Variants in UPF1 observed in about 807,000 individuals in gnomAD.
UPF1 encodes the protein regulator of nonsense transcripts 1.
A neutral mutation model predicts 129.2 loss-of-function variants in UPF1; 9 were observed. The observed-to-expected ratio is 0.07, with a 90% CI of 0.04 to 0.12. The LOEUF (loss-of-function observed/expected upper bound fraction) is 0.12, where lower values mean the gene tolerates loss of function less well. Ranked by LOEUF, UPF1 falls within the 10% of genes least tolerant of loss-of-function variation. The probability of loss-of-function intolerance (pLI) is 1.00; values close to 1 mark genes in which losing one functional copy is unlikely to be tolerated. For missense variants in UPF1, 788 were observed against 1,525.3 expected (o/e 0.52, Z 8.05); for synonymous variants, 649 against 644.9 (o/e 1.01, Z -0.10).
intron 5 of UPF1, 72 bp from the exon 6 acceptor site, chr19:18,852,063 G>A: frequency 4.1e-6 from 6 of 1,481,348 alleles, no homozygotes; most frequent in Non-Finnish European, 5.4e-6. Flanking sequence ...TCCCTCTGGT[G>A]CCTCTGCGCC....
intron 3 of UPF1, 85 bp from the exon 4 acceptor site, chr19:18,849,990 C>A: frequency 6.4e-7 from 1 of 1,553,838 alleles, no homozygotes; most frequent in Non-Finnish European, 8.8e-7. Context: ...TGAACGGTAC[C>A]GGAACTTTTA....
rs533467112 is a variant in UPF1 at position 18,832,165 on chromosome 19, C to T, written c.-45C>T. ...CTAGGCCTCAGCGCGGCGGCGGGCT[C>T]GAGTGCAGCGCGGAACCGGCCCGAG... On this transcript the variant is annotated 5_prime_UTR_variant, in exon 1 of 24. Transcript: ENST00000262803. The surrounding 1 kb of genome is among the most constrained non-coding windows in gnomAD (Gnocchi z 5.6). The T allele has an allele frequency of 2.8e-5, 42 of 1,485,422 alleles. No homozygotes were observed. The African/African-American group carries it at 6.2e-4, about 22-fold the overall frequency. 92.0% of individuals were successfully genotyped at this position (1,485,422 alleles called of 1,614,324 possible).
intron 11 of UPF1, 107 bp downstream of exon 11, chr19:18,855,349 C>A: frequency 7.8e-7 from 1 of 1,276,784 alleles, no homozygotes; most frequent in Non-Finnish European, 1.1e-6. Flanking sequence ...GAAGAGAGCA[C>A]GTGGCGGGTA....
Position 18,863,608 on chromosome 19 carries a change from A to G in UPF1, c.2771A>G (p.Asn924Ser), listed in dbSNP as rs1287847612. 6.2e-7 allele frequency: 1 copy of G among 1,612,796 alleles called. No homozygotes were observed. ...SKPRKLVNTI[N>S]PGARFMTTAM... ...CCACGGAAGCTGGTCAACACTATCA[A>G]CCCGGTGAGCGCCTGCACAGGACAG... The change falls in exon 19 of 24, where the codon AAC becomes AGC. Residue 924 changes from asparagine to serine, a missense_variant. Around this residue, in one of 6 missense-constraint regions of UPF1, gnomAD observed 218 missense variants for 318.1 expected, o/e 0.69. Coordinates refer to ENST00000262803, the MANE Select transcript of UPF1 (RefSeq NM_002911.4).
chr19:18,851,006 C>G lies in UPF1; in HGVS notation c.810+138C>G. ...GAATTCAGGCAGACCTCTGCCACCT[C>G]TACGTGGAATGACCTCAGGGCACCT... is the stretch of plus-strand genomic sequence containing the variant. On this transcript the variant is annotated intron_variant, in intron 5 of 23. Coordinates refer to ENST00000262803, the MANE Select transcript of UPF1 (RefSeq NM_002911.4). The surrounding 1 kb of genome is among the most constrained non-coding windows in gnomAD (Gnocchi z 4.2). The G allele has an allele frequency of 8.8e-7, 1 of 1,133,616 alleles. No homozygotes were observed. The highest frequency in any genetic ancestry group is 1.2e-6 in the Non-Finnish European group (1 of 839,704). The allele number at this position is 1,133,616 out of a possible 1,614,324, so 70.2% of individuals were successfully genotyped here.
At position 18,850,832 on chromosome 19, in the gene UPF1, G is replaced by T; in HGVS notation, c.774G>T (p.Thr258=). The change falls in exon 5 of 24, where the codon ACG becomes ACT. Residue 258 remains threonine (T), a synonymous_variant. Transcript: ENST00000262803. This position sits in a 1 kb window ranked among gnomAD's most constrained non-coding sequence, Gnocchi z 7.1. The part of the protein sequence containing the change: ...EQEQLRARQI[T]AQQINKLEEL... ...AGCAGCTGCGGGCACGCCAGATCAC[G>T]GCACAGCAGATCAACAAGCTGGAGG... 6.2e-7 allele frequency: 1 copy of T among 1,603,896 alleles called. No individual in the cohort carries two copies. Among genetic ancestry groups the T allele is most frequent in the Non-Finnish European group, 8.5e-7 (1 of 1,174,644 alleles).
intron 1 of UPF1, among the ~76,000 whole-genome samples, chr19:18,841,010 G>A (rs912022491): frequency 1.3e-5 from 2 of 152,156 alleles, no homozygotes; most frequent in African/African-American, 4.8e-5. Flanking sequence ...GGCTCCTGGC[G>A]GCCCTGGGAG....
rs2055838034 is a variant in UPF1 at position 18,865,843 on chromosome 19, C to T, written c.3237+65C>T. On this transcript the variant is annotated intron_variant, in intron 22 of 23. Coordinates refer to ENST00000262803, the MANE Select transcript of UPF1 (RefSeq NM_002911.4). This position sits in a 1 kb window ranked among gnomAD's most constrained non-coding sequence, Gnocchi z 6.1. ...TGGGGCTATGCACCTGAAACATTCC[C>T]TCTGAAGAGCCCCAGAGAGCTGGCC... 6.3e-7 allele frequency: 1 copy of T among 1,599,812 alleles called. No homozygotes were observed. The highest frequency in any genetic ancestry group is 8.5e-7 in the Non-Finnish European group (1 of 1,174,816).
chr19:18,853,171 G>T lies in UPF1; in HGVS notation c.1058-81G>T. 1 of 1,595,504 alleles carries T rather than the reference G, an allele frequency of 6.3e-7. No homozygotes were observed. The highest frequency in any genetic ancestry group is 1.1e-5 in the South Asian group (1 of 89,834). Reference sequence around the variant, plus strand: ...AAATTCCTAGTTCCACCCTTGTAAAGTGCCCCTTAATTTGAACTCTCCCTG... The same window carrying T: ...AAATTCCTAGTTCCACCCTTGTAAATTGCCCCTTAATTTGAACTCTCCCTG... On this transcript the variant is annotated intron_variant, in intron 7 of 23. Coordinates refer to ENST00000262803, the MANE Select transcript of UPF1 (RefSeq NM_002911.4). This position sits in a 1 kb window ranked among gnomAD's most constrained non-coding sequence, Gnocchi z 4.4.
chr19:18,836,719 G>T (rs923085226), intron 1 of UPF1, among the ~76,000 whole-genome samples: 1 of 150,698 alleles, frequency 6.6e-6, no homozygotes, highest in African/African-American at 2.4e-5. Context: ...AAACTGGAAA[G>T]AAAAGTCAGG....
chr19:18,855,161 G>T lies in UPF1; in HGVS notation c.1463G>T (p.Ser488Ile). The T allele has an allele frequency of 1.2e-6, 2 of 1,613,858 alleles. No homozygotes were observed. The highest frequency in any genetic ancestry group is 1.7e-6 in the Non-Finnish European group (2 of 1,179,986). The change falls in exon 11 of 24, where the codon AGC becomes ATC. Residue 488 changes from serine (S) to isoleucine (I), a missense_variant. Coordinates refer to ENST00000262803, the MANE Select transcript of UPF1 (RefSeq NM_002911.4). ...AVKTVLQRPL[S>I]LIQGPPGTGK... is the part of the protein sequence containing the mutation. ...AAGACTGTGCTGCAAAGACCACTGA[G>T]CCTGATCCAGGGCCCGCCAGGCACG...
At chr19:18,836,019 A>C (rs2055480349) in intron 1 of UPF1, among the ~76,000 whole-genome samples, 1 of 152,244 alleles carries the variant, frequency 6.6e-6, no homozygotes, top group Admixed American at 6.5e-5. Context: ...CCCTGCACTC[A>C]GAGCTGGTTC....
chr19:18,845,388 T>C (rs1014510061), intron 1 of UPF1, among the ~76,000 whole-genome samples: 1 of 152,220 alleles, frequency 6.6e-6, no homozygotes, highest in Non-Finnish European at 1.5e-5. Flanking sequence ...CTTAGAGCCA[T>C]GCGCTGTCTG....
rs1434542535 is a variant in UPF1, at chr19:18,853,456, A to C, written c.1156+106A>C. 2 of 1,151,722 alleles carry C rather than the reference A, an allele frequency of 1.7e-6. No individual in the cohort carries two copies. Among genetic ancestry groups the C allele is most frequent in the African/African-American group, 3.1e-5 (2 of 64,108 alleles). The allele number at this position is 1,151,722 out of a possible 1,614,324, so 71.3% of individuals were successfully genotyped here. A position where few individuals can be genotyped will look rare whatever the true frequency, so the allele number is the denominator to read the frequency against. On this transcript the variant is annotated intron_variant, in intron 8 of 23. Coordinates refer to ENST00000262803, the MANE Select transcript of UPF1 (RefSeq NM_002911.4). The surrounding 1 kb of genome is among the most constrained non-coding windows in gnomAD (Gnocchi z 4.4). The stretch of plus-strand genomic sequence containing the variant: ...ATGCTCACTGCTGGGCCAGCATCTC[A>C]TGCTCTGTGGTGGGTGCTGGTTGGC...
intron 1 of UPF1, among the ~76,000 whole-genome samples, chr19:18,841,992 C>T (rs1349457940): frequency 1.1e-4 from 16 of 152,080 alleles, no homozygotes; most frequent in Non-Finnish European, 1.5e-4. Context: ...CTACTTGGGA[C>T]GCTGAGGCAA....
In UPF1 at chr19:18,857,466, C is replaced by G. The variant is rs529487125; in HGVS notation, c.2115C>G (p.His705Gln). The G allele has an allele frequency of 1.9e-6, 3 of 1,613,928 alleles. No homozygotes were observed. The highest frequency in any genetic ancestry group is 2.5e-6 in the Non-Finnish European group (3 of 1,180,020). Residue 705 changes from histidine (H) to glutamine (Q), a missense_variant, in exon 15 of 24, where the codon CAC (histidine) becomes CAG (glutamine). This residue lies in a region of UPF1 where 140 missense variants were observed against 385.9 expected (regional missense o/e 0.36). Transcript: ENST00000262803. ...GCCTGCAGGTCCAGTACCGGATGCA[C>G]CCTGCACTCAGCGCCTTCCCATCCA... ...PIRLQVQYRM[H>Q]PALSAFPSNI... is the part of the protein sequence containing the mutation.
Position 18,860,336 on chromosome 19 carries a change from A to C in UPF1, c.2198A>C (p.Lys733Thr). The C allele has an allele frequency of 6.2e-7, 1 of 1,614,122 alleles. No homozygotes were observed. The highest frequency in any genetic ancestry group is 8.5e-7 in the Non-Finnish European group (1 of 1,180,018). ...CCCCTCACAGCGGATCGTGTGAAGAAGGGATTTGACTTCCAGTGGCCCCAA... is the reference window on the plus strand; with the variant it reads ...CCCCTCACAGCGGATCGTGTGAAGACGGGATTTGACTTCCAGTGGCCCCAA... ...NGVTAADRVK[K>T]GFDFQWPQPD... The change falls in exon 16 of 24, where the codon AAG becomes ACG. Residue 733 changes from lysine (K) to threonine (T), a missense_variant. This residue lies in a region of UPF1 where 140 missense variants were observed against 385.9 expected (regional missense o/e 0.36). Transcript: ENST00000262803.
intron 1 of UPF1, among the ~76,000 whole-genome samples, chr19:18,843,218 C>T (rs537111161): frequency 2.6e-5 from 4 of 152,306 alleles, no homozygotes; most frequent in African/African-American, 9.6e-5. Flanking sequence ...ATGTTGAGGG[C>T]CTCCTGGGGT....
In UPF1 at chr19:18,854,918, C is replaced by G; in HGVS notation, c.1305C>G (p.Thr435=). The change falls in exon 10 of 24, where the codon ACC becomes ACG. Residue 435 remains threonine (T), a synonymous_variant. Coordinates refer to ENST00000262803, the MANE Select transcript of UPF1 (RefSeq NM_002911.4). ...TGAAAACGTTTGCCGTGGATGAGAC[C>G]TCGGTGTCTGGCTACATCTACCACA... The part of the protein sequence containing the change: ...SALKTFAVDE[T]SVSGYIYHKL... The G allele has an allele frequency of 6.2e-7, 1 of 1,614,256 alleles. No homozygotes were observed. The highest frequency in any genetic ancestry group is 8.5e-7 in the Non-Finnish European group (1 of 1,180,058).
Sources: allele counts gnomAD v4.1 joint callset (sites outside exome capture counted in the v4.1 genomes callset), GRCh38; gene constraint gnomAD v4.1.1; regional missense constraint gnomAD v4.1.1; non-coding constraint Gnocchi (gnomAD v3.1); transcripts MANE v1.5; gene names NCBI Gene and HGNC (gene_info 2026-07-23, HGNC 2026-07-21).